RHBDD1: variants seen among roughly 807,000 people sequenced by gnomAD.
The protein encoded by RHBDD1 is rhomboid-related protein 4.
RHBDD1 carries 38 observed loss-of-function variants against 36.3 expected under a neutral mutation model. That is an observed-to-expected ratio of 1.05 (90% CI 0.81 to 1.37). RHBDD1 has a LOEUF of 1.37. Among genes scored for constraint, RHBDD1 ranks in the 40% most tolerant of loss-of-function variants. The pLI, the probability that RHBDD1 is intolerant of heterozygous loss-of-function variation, is 0.00. For synonymous variants in RHBDD1, 151 were observed against 136.5 expected (o/e 1.11, Z -0.74); for missense variants, 393 against 377.6 (o/e 1.04, Z -0.34).
At chr2:226,957,928 C>G (rs1334390910) in intron 8 of RHBDD1, among the ~76,000 whole-genome samples, 1 of 151,860 alleles carries the variant, frequency 6.6e-6, no homozygotes. Flanking sequence ...AAATTAGAAC[C>G]CTCACCCAAA....
At chr2:226,839,981 A>G (rs1941430010) in intron 3 of RHBDD1, among the ~76,000 whole-genome samples, 1 of 152,172 alleles carries the variant, frequency 6.6e-6, no homozygotes, top group African/African-American at 2.4e-5. Context: ...ACTACTCTAT[A>G]TTTATATAGT....
intron 5 of RHBDD1, among the ~76,000 whole-genome samples, chr2:226,902,131 T>A (rs1303868070): frequency 6.6e-6 from 1 of 152,186 alleles, no homozygotes; most frequent in South Asian, 2.1e-4. Flanking sequence ...AGTTGCAGGA[T>A]TGTCCCTGAA....
intron 8 of RHBDD1, among the ~76,000 whole-genome samples, chr2:226,986,983 A>T (rs988522217): frequency 2.0e-5 from 3 of 152,254 alleles, no homozygotes; most frequent in African/African-American, 7.2e-5. Context: ...TACACCATGG[A>T]ATACTATGCA....
At position 226,877,889 on chromosome 2, in the gene RHBDD1, G is replaced by A. The variant is rs576720073; in HGVS notation, c.566+10571G>A. On this transcript the variant is annotated intron_variant, in intron 5 of 8. Coordinates refer to ENST00000392062, the MANE Select transcript of RHBDD1 (RefSeq NM_001167608.3). ...ACTATTGGTATTGTTTGGGGCCACT[G>A]CCTTGATTCACTTGACTCATGCTAA... Among the ~76,000 whole-genome samples the A allele has an allele frequency of 2.8e-3, 425 of 152,248 alleles. 3 individuals carry two copies. Among genetic ancestry groups the A allele is most frequent in the African/African-American group, 9.6e-3 (398 of 41,542 alleles).
At chr2:226,966,053 G>A (rs1189875981) in intron 8 of RHBDD1, among the ~76,000 whole-genome samples, 1 of 151,988 alleles carries the variant, frequency 6.6e-6, no homozygotes, top group East Asian at 1.9e-4. Flanking sequence ...TCATTCCTGG[G>A]GTATAAGGTT....
intron 8 of RHBDD1, among the ~76,000 whole-genome samples, chr2:226,930,251 C>G (rs949950606): frequency 2.6e-5 from 4 of 152,056 alleles, no homozygotes; most frequent in African/African-American, 9.7e-5. Context: ...TACCTGACTT[C>G]AAATTACACT....
intron 3 of RHBDD1, among the ~76,000 whole-genome samples, chr2:226,859,370 G>C (rs1393878983): frequency 1.3e-5 from 2 of 152,142 alleles, no homozygotes; most frequent in Non-Finnish European, 2.9e-5. Flanking sequence ...CATTGTATTA[G>C]ATATTATAAG....
the RHBDD1 span, among the ~76,000 whole-genome samples, chr2:226,814,945 T>G: frequency 1.3e-5 from 2 of 152,172 alleles, no homozygotes; most frequent in Admixed American, 6.5e-5. Flanking sequence ...CCCAGGGTCA[T>G]GGAGGCACCC....
intron 5 of RHBDD1, among the ~76,000 whole-genome samples, chr2:226,886,177 C>G (rs1005464030): frequency 1.3e-5 from 2 of 152,180 alleles, no homozygotes; most frequent in African/African-American, 2.4e-5. Context: ...TTGTCTCTTC[C>G]AAGTTCCAGA....
At chr2:226,899,804 G>A (rs1300092263) in intron 5 of RHBDD1, among the ~76,000 whole-genome samples, 2 of 152,156 alleles carry the variant, frequency 1.3e-5, no homozygotes, top group Non-Finnish European at 2.9e-5. Context: ...TTAACTGAAA[G>A]AACTATGAAA....
chr2:226,884,659 G>A (rs1478777342), intron 5 of RHBDD1, among the ~76,000 whole-genome samples: 7 of 152,032 alleles, frequency 4.6e-5, no homozygotes, highest in African/African-American at 9.7e-5. Flanking sequence ...GGCCATAAAC[G>A]TGTTAAAGAT....
chr2:226,914,179 G>A lies in RHBDD1; in HGVS notation c.713-29G>A, dbSNP rs752375969. ...GTATAAAACAACAGTCCATAGCTGTGTTCTAGAACCTTTTCCTTGTGCCTT... is the reference window on the plus strand; with the variant it reads ...GTATAAAACAACAGTCCATAGCTGTATTCTAGAACCTTTTCCTTGTGCCTT... On this transcript the variant is annotated intron_variant, in intron 7 of 8. Transcript: ENST00000392062. 113 of 1,611,210 alleles carry A rather than the reference G, an allele frequency of 7.0e-5. 2 individuals are homozygous for A. In the South Asian group the frequency reaches 1.2e-3, roughly 17 times the overall value.
chr2:226,850,856 T>TC (rs138639483), intron 3 of RHBDD1, among the ~76,000 whole-genome samples: 2,333 of 152,252 alleles, frequency 0.015, 55 homozygotes, highest in African/African-American at 0.053. Flanking sequence ...TACAGAATCT[T>TC]CCATGAGACT....
the RHBDD1 span, among the ~76,000 whole-genome samples, chr2:226,816,481 G>C: frequency 6.6e-6 from 1 of 151,894 alleles, no homozygotes; most frequent in South Asian, 2.1e-4. Flanking sequence ...TCTGTCTAAG[G>C]ATCCTTGGAA....
At chr2:226,801,851 G>A in the RHBDD1 span, among the ~76,000 whole-genome samples, 1 of 152,142 alleles carries the variant, frequency 6.6e-6, no homozygotes, top group Non-Finnish European at 1.5e-5. Context: ...ATTATAAAAG[G>A]GTTGTTTACT....
intron 3 of RHBDD1, among the ~76,000 whole-genome samples, chr2:226,860,551 C>T (rs6746173): frequency 0.076 from 11,559 of 152,212 alleles, 579 homozygotes; most frequent in African/African-American, 0.14. Flanking sequence ...TGGCCCACAG[C>T]GTCAGGTTAC....
At chr2:226,829,199 G>A in the RHBDD1 span, among the ~76,000 whole-genome samples, 1 of 151,942 alleles carries the variant, frequency 6.6e-6, no homozygotes, top group South Asian at 2.1e-4. Context: ...CCACATAGGG[G>A]GTTATTTCAG....
In RHBDD1 at chr2:226,874,682, A is replaced by G. The variant is rs138815421; in HGVS notation, c.566+7364A>G. Among the ~76,000 whole-genome samples, 44 of 152,240 alleles carry G rather than the reference A, an allele frequency of 2.9e-4. No homozygotes were observed. The East Asian group carries it at 7.5e-3, about 26-fold the overall frequency. On this transcript the variant is annotated intron_variant, in intron 5 of 8. Coordinates refer to ENST00000392062, the MANE Select transcript of RHBDD1 (RefSeq NM_001167608.3). ...TTAGGAGTCACCCTGGTAATCCTGG[A>G]TGATCTCTGTACCTCAAGATCCTTA...
At chr2:226,930,745 A>G (rs1221250593) in intron 8 of RHBDD1, among the ~76,000 whole-genome samples, 3 of 152,122 alleles carry the variant, frequency 2.0e-5, no homozygotes, top group East Asian at 1.9e-4. Context: ...GTATCTGACA[A>G]AGGACTAATA....
Sources: gnomAD v4.1 joint callset for allele counts (sites outside exome capture counted in the v4.1 genomes callset) on GRCh38, gnomAD v4.1.1 for gene constraint, MANE v1.5 for transcripts, NCBI Gene and HGNC (gene_info 2026-07-23, HGNC 2026-07-21) for gene names.